Variants in SCN1A observed in about 807,000 individuals in gnomAD.
SCN1A encodes the protein sodium voltage-gated channel alpha subunit 1, also known as sodium channel protein type 1 subunit alpha.
Under a neutral mutation model 193.7 loss-of-function variants are expected in SCN1A, and 13 were observed. The observed-to-expected ratio is 0.07, with a 90% confidence interval of 0.04 to 0.11. SCN1A has a LOEUF of 0.11. SCN1A is among the 10% of genes least tolerant of loss of function. The pLI, the probability that SCN1A is intolerant of heterozygous loss-of-function variation, is 1.00. For synonymous variants in SCN1A, 781 were observed against 843.6 expected, an observed-to-expected ratio of 0.93 and a Z score of 1.29; for missense variants, 1,432 against 2,451.1, an observed-to-expected ratio of 0.58 and a Z score of 8.78.
intron 2 of SCN1A, among the ~76,000 whole-genome samples, chr2:166,087,678 A>G (rs550912242): frequency 9.9e-5 from 15 of 152,134 alleles, no homozygotes; most frequent in Non-Finnish European, 1.9e-4. Context: ...AAAATTACCC[A>G]GCCTCAGATA....
intron 2 of SCN1A, among the ~76,000 whole-genome samples, chr2:166,099,267 A>T (rs1314101839): frequency 2.6e-5 from 4 of 151,610 alleles, no homozygotes; most frequent in Admixed American, 2.6e-4. Flanking sequence ...AAACCACATG[A>T]TTATCTCAAT....
At chr2:166,134,487 A>G (rs1691778124) in intron 1 of SCN1A, among the ~76,000 whole-genome samples, 1 of 152,204 alleles carries the variant, frequency 6.6e-6, no homozygotes, top group Non-Finnish European at 1.5e-5. Flanking sequence ...TGGACTAACC[A>G]ACATTGGTTT....
At chr2:165,995,910 G>A in intron 27 of SCN1A, 103 bp downstream of exon 27, 1 of 801,064 alleles carries the variant, frequency 1.2e-6, no homozygotes, top group Non-Finnish European at 2.1e-6. Context: ...ACAAGTGAAA[G>A]AAATTTTTTC....
chr2:166,131,143 G>A (rs982728920), upstream of SCN1A, among the ~76,000 whole-genome samples: 2 of 152,072 alleles, frequency 1.3e-5, no homozygotes, highest in Non-Finnish European at 2.9e-5. Flanking sequence ...TTCAAAAAAT[G>A]AAAAACTAAT....
chr2:165,995,889 G>A (rs13398882), intron 27 of SCN1A, 124 bp downstream of exon 27: 11 of 687,532 alleles, frequency 1.6e-5, no homozygotes, highest in Middle Eastern at 2.4e-4. Flanking sequence ...ATCACTTTTA[G>A]ATGATGCTCT....
At chr2:166,056,348 A>G (rs898980617) in intron 6 of SCN1A, 63 bp downstream of exon 6, 3 of 1,038,626 alleles carry the variant, frequency 2.9e-6, no homozygotes, top group African/African-American at 3.2e-5. Context: ...TTAAGACTAC[A>G]TTAAGACACA....
chr2:165,994,286 G>C lies in SCN1A; in HGVS notation c.4712C>G (p.Thr1571Ser). Residue 1571 changes from threonine to serine, a missense_variant, in exon 28 of 29, where the codon ACC becomes AGC. Coordinates refer to ENST00000674923, the MANE Select transcript of SCN1A (RefSeq NM_001165963.4). ...ETDDQSEYVTTILSRINLVFI... is the reference protein window; with the variant it reads ...ETDDQSEYVTSILSRINLVFI... ...CACCAGATTGATGCGTGACAAAATG[G>C]TAGTCACATATTCACTCTGGTCATC... The C allele has an allele frequency of 6.2e-7, 1 of 1,613,166 alleles. No homozygotes were observed. The highest frequency in any genetic ancestry group is 8.5e-7 in the Non-Finnish European group (1 of 1,179,498).
At chr2:166,110,274 C>A (rs1689154952) in intron 2 of SCN1A, among the ~76,000 whole-genome samples, 1 of 152,052 alleles carries the variant, frequency 6.6e-6, no homozygotes, top group African/African-American at 2.4e-5. Context: ...AATAATTAAG[C>A]TTTGTGAGGA....
At chr2:166,050,723 C>T (rs540335017) in intron 9 of SCN1A, among the ~76,000 whole-genome samples, 12 of 148,462 alleles carry the variant, frequency 8.1e-5, no homozygotes, top group Non-Finnish European at 1.5e-4. Flanking sequence ...AAGTGATCCT[C>T]CAGCCTCAGC....
At chr2:166,135,768 T>G (rs1691832133) in intron 1 of SCN1A, among the ~76,000 whole-genome samples, 1 of 152,160 alleles carries the variant, frequency 6.6e-6, no homozygotes, top group Non-Finnish European at 1.5e-5. Flanking sequence ...CAGAAAATAA[T>G]GACATTTAGC....
chr2:166,028,418 T>G (rs1695092462), intron 19 of SCN1A, among the ~76,000 whole-genome samples: 2 of 152,166 alleles, frequency 1.3e-5, no homozygotes, highest in African/African-American at 4.8e-5. Context: ...TGTTAAATTA[T>G]AACATACTTA....
intron 13 of SCN1A, 34 bp downstream of exon 13, chr2:166,045,009 C>T: frequency 6.2e-7 from 1 of 1,610,300 alleles, no homozygotes; most frequent in East Asian, 2.2e-5. Flanking sequence ...TTTTAATTTT[C>T]AACCATGCAT....
chr2:166,117,878 G>A (rs991551225), intron 2 of SCN1A, among the ~76,000 whole-genome samples: 9 of 151,788 alleles, frequency 5.9e-5, no homozygotes, highest in Non-Finnish European at 1.3e-4. Flanking sequence ...CAGGAGAATC[G>A]CTTGAACCCA....
chr2:165,996,204 A>G, intron 26 of SCN1A, 87 bp from the exon 27 acceptor site: 1 of 803,792 alleles, frequency 1.2e-6, no homozygotes, highest in South Asian at 1.5e-5. Flanking sequence ...ATGGCTAAAA[A>G]AAGAAATACA....
At chr2:166,085,638 G>A (rs1686030963) in intron 2 of SCN1A, among the ~76,000 whole-genome samples, 1 of 152,080 alleles carries the variant, frequency 6.6e-6, no homozygotes, top group South Asian at 2.1e-4. Flanking sequence ...AACGGGGAGA[G>A]GAGAGTGTTG....
rs1192104837 is a variant in SCN1A, at chr2:166,070,042, G to T, written c.264+3316C>A. ...ATATTCATTATTTTTAAAAGGTTCA[G>T]ATTTTGCTAAGCATTCCAACTTTAG... On this transcript the variant is annotated intron_variant, in intron 4 of 28. Coordinates refer to ENST00000674923, the MANE Select transcript of SCN1A (RefSeq NM_001165963.4). Among the ~76,000 whole-genome samples, 5 of 152,296 alleles carry T rather than the reference G, an allele frequency of 3.3e-5. No homozygotes were observed. In the East Asian group the frequency reaches 9.6e-4, roughly 29 times the overall value.
At chr2:166,053,008 GA>G in intron 7 of SCN1A, 65 bp from the exon 8 acceptor site, 1 of 1,448,286 alleles carries the variant, frequency 6.9e-7, no homozygotes, top group Non-Finnish European at 9.7e-7. Context: ...TAGGTACAAA[GA>G]GCCTATCCTT....
intron 18 of SCN1A, among the ~76,000 whole-genome samples, chr2:166,037,544 G>A (rs1470745046): frequency 6.6e-6 from 1 of 152,170 alleles, no homozygotes; most frequent in Non-Finnish European, 1.5e-5. Context: ...CAGGGGCACT[G>A]CTATATTGCT....
intron 19 of SCN1A, among the ~76,000 whole-genome samples, chr2:166,034,546 T>C (rs1412095905): frequency 1.3e-5 from 2 of 152,208 alleles, no homozygotes; most frequent in East Asian, 3.8e-4. Flanking sequence ...TTTTTGAGAT[T>C]TCCAAACACT....
Sources: gnomAD v4.1 joint callset for allele counts (sites outside exome capture counted in the v4.1 genomes callset) on GRCh38, gnomAD v4.1.1 for gene constraint, MANE v1.5 for transcripts, NCBI Gene and HGNC (gene_info 2026-07-23, HGNC 2026-07-21) for gene names.